Variants in KIF6 observed in about 807,000 individuals in gnomAD.
KIF6 encodes the protein kinesin family member 6.
KIF6 carries 106 observed loss-of-function variants against 112.7 expected under a neutral mutation model. That is an observed-to-expected ratio of 0.94 (90% CI 0.80 to 1.11). KIF6 has a LOEUF of 1.11. Ranked by LOEUF, KIF6 falls within the 50% of genes least tolerant of loss-of-function variation. The pLI is 0.00. For synonymous variants in KIF6, 339 were observed against 339.9 expected, an observed-to-expected ratio of 1.00 and a Z score of 0.03; for missense variants, 929 against 964.0, an observed-to-expected ratio of 0.96 and a Z score of 0.48.
chr6:39,590,363 A>C (rs1265788683), intron 7 of KIF6, among the ~76,000 whole-genome samples: 1 of 150,876 alleles, frequency 6.6e-6, no homozygotes, highest in Admixed American at 6.6e-5. Flanking sequence ...AACTTAGAGA[A>C]CCTAAAGGAG....
intron 13 of KIF6, among the ~76,000 whole-genome samples, chr6:39,510,285 G>A (rs1022594841): frequency 4.6e-5 from 7 of 151,676 alleles, no homozygotes; most frequent in African/African-American, 1.7e-4. Flanking sequence ...GTAGAGATGG[G>A]GTTTCACCGT....
At chr6:39,367,186 C>T (rs1446756042) in intron 16 of KIF6, among the ~76,000 whole-genome samples, 2 of 152,152 alleles carry the variant, frequency 1.3e-5, no homozygotes, top group Non-Finnish European at 2.9e-5. Context: ...AGGCTTGGCT[C>T]ATCAGTAACC....
intron 3 of KIF6, among the ~76,000 whole-genome samples, chr6:39,704,721 G>T (rs998842723): frequency 6.6e-6 from 1 of 152,148 alleles, no homozygotes; most frequent in African/African-American, 2.4e-5. Flanking sequence ...CACTTATATG[G>T]CTCCAAAGTC....
intron 17 of KIF6, among the ~76,000 whole-genome samples, chr6:39,360,886 T>A (rs1404983899): frequency 6.6e-6 from 1 of 152,196 alleles, no homozygotes; most frequent in Non-Finnish European, 1.5e-5. Flanking sequence ...CACAACCCTA[T>A]GAAGGAGATA....
At chr6:39,433,091 G>C (rs2150384267) in intron 13 of KIF6, among the ~76,000 whole-genome samples, 1 of 152,256 alleles carries the variant, frequency 6.6e-6, no homozygotes, top group East Asian at 1.9e-4. Context: ...ACTGTGAATG[G>C]ACAGCTGGGT....
At chr6:39,584,822 A>G in intron 9 of KIF6, 76 bp downstream of exon 9, 2 of 848,386 alleles carry the variant, frequency 2.4e-6, no homozygotes, top group South Asian at 1.4e-5. Context: ...AGTACAGAGC[A>G]AGTGCACCTA....
chr6:39,714,863 A>T, intron 2 of KIF6, 97 bp from the exon 3 acceptor site: 1 of 800,538 alleles, frequency 1.2e-6, no homozygotes, highest in Admixed American at 2.2e-5. Flanking sequence ...TAATTACCCC[A>T]TATTTACATC....
intron 1 of KIF6, among the ~76,000 whole-genome samples, chr6:39,723,280 A>T (rs1238730143): frequency 6.6e-6 from 1 of 152,230 alleles, no homozygotes; most frequent in East Asian, 1.9e-4. Flanking sequence ...TTCCACATAG[A>T]CATATACCCA....
intron 13 of KIF6, among the ~76,000 whole-genome samples, chr6:39,534,140 TA>T (rs1028373960): frequency 9.2e-5 from 14 of 152,072 alleles, no homozygotes; most frequent in Non-Finnish European, 2.1e-4. Flanking sequence ...CTGGAAACTC[TA>T]AAAAGCAGAG....
intron 13 of KIF6, among the ~76,000 whole-genome samples, chr6:39,512,340 C>A (rs1350399996): frequency 6.6e-6 from 1 of 152,154 alleles, no homozygotes; most frequent in Non-Finnish European, 1.5e-5. Flanking sequence ...TCTGGAGATG[C>A]TGGTGGCCCC....
chr6:39,594,944 A>C (rs538109134), intron 7 of KIF6, among the ~76,000 whole-genome samples: 11 of 152,152 alleles, frequency 7.2e-5, no homozygotes, highest in African/African-American at 2.4e-4. Context: ...GAAATCATCT[A>C]ATTCAATCCA....
chr6:39,574,378 G>T (rs6911091), intron 10 of KIF6, among the ~76,000 whole-genome samples: 78,300 of 151,956 alleles, frequency 0.52, 22,647 homozygotes, highest in African/African-American at 0.79. Context: ...CTATCCTTTC[G>T]GTCTGAAAGT....
chr6:39,443,114 AAATAAT>A (rs370011414), intron 13 of KIF6, among the ~76,000 whole-genome samples: 8,254 of 131,446 alleles, frequency 0.063, 259 homozygotes, highest in Middle Eastern at 0.095. Context: ...ACTGCATCTC[AAATAAT>A]AATAATAATA....
chr6:39,718,998 A>G (rs917393792), intron 2 of KIF6, among the ~76,000 whole-genome samples: 3 of 152,128 alleles, frequency 2.0e-5, no homozygotes, highest in South Asian at 2.1e-4. Context: ...ATTCTTTATG[A>G]GACAACAAAA....
chr6:39,502,944 T>C (rs545289563), intron 13 of KIF6, among the ~76,000 whole-genome samples: 3 of 151,996 alleles, frequency 2.0e-5, no homozygotes, highest in Non-Finnish European at 4.4e-5. Flanking sequence ...GACAGAAAAT[T>C]AACAAAGATA....
chr6:39,545,746 T>TGG (rs1379512667), intron 10 of KIF6, 58 bp from the exon 11 acceptor site: 1 of 1,024,668 alleles, frequency 9.8e-7, no homozygotes, highest in Non-Finnish European at 1.5e-6. Context: ...AAAATTCTAA[T>TGG]GGCATTATCT....
intron 13 of KIF6, among the ~76,000 whole-genome samples, chr6:39,510,813 A>G (rs1324575425): frequency 1.3e-5 from 2 of 151,152 alleles, no homozygotes; most frequent in Non-Finnish European, 2.9e-5. Context: ...CTCATGTGCA[A>G]AGACACACAT....
chr6:39,633,522 A>G (rs1382914587), intron 5 of KIF6, among the ~76,000 whole-genome samples: 1 of 152,218 alleles, frequency 6.6e-6, no homozygotes, highest in Non-Finnish European at 1.5e-5. Flanking sequence ...AAGACTGGTG[A>G]CCTTCACAGG....
intron 5 of KIF6, among the ~76,000 whole-genome samples, chr6:39,633,261 C>T (rs1400708841): frequency 2.0e-5 from 3 of 151,934 alleles, no homozygotes; most frequent in East Asian, 1.9e-4. Flanking sequence ...TGAATCTAAT[C>T]GACATGGTTT....
Sources: gnomAD v4.1 joint callset for allele counts (sites outside exome capture counted in the v4.1 genomes callset) on GRCh38, gnomAD v4.1.1 for gene constraint, MANE v1.5 for transcripts, NCBI Gene and HGNC (gene_info 2026-07-23, HGNC 2026-07-21) for gene names.